Variants in SLC2A7 observed in about 807,000 individuals in gnomAD.
The protein encoded by SLC2A7 is solute carrier family 2, facilitated glucose transporter member 7.
A neutral mutation model predicts 50.5 loss-of-function variants in SLC2A7; 50 were observed. The observed-to-expected ratio is 0.99, with a 90% confidence interval of 0.79 to 1.25. The LOEUF (loss-of-function observed/expected upper bound fraction) is 1.25, where lower values mean the gene tolerates loss of function less well. Ranked by LOEUF, SLC2A7 falls within the 50% of genes most tolerant of loss-of-function variation. The probability of loss-of-function intolerance (pLI) is 0.00; values close to 1 mark genes in which losing one functional copy is unlikely to be tolerated. For synonymous variants in SLC2A7, 308 were observed against 300.4 expected (o/e 1.03, Z -0.26); for missense variants, 683 against 679.1 (o/e 1.01, Z -0.06).
chr1:8,992,991 A>G, the SLC2A7 span, among the ~76,000 whole-genome samples: 21 of 152,346 alleles, frequency 1.4e-4, no homozygotes, highest in Admixed American at 3.9e-4. Flanking sequence ...ACCTGACATC[A>G]GGTTGCAGAT....
intron 8 of SLC2A7, among the ~76,000 whole-genome samples, chr1:9,010,929 G>C (rs1298658458): frequency 1.3e-5 from 2 of 152,218 alleles, no homozygotes; most frequent in Non-Finnish European, 2.9e-5. Context: ...ACAAACCGCT[G>C]TCTGGGAGTG....
chr1:9,013,608 T>C lies in SLC2A7; in HGVS notation c.931A>G (p.Thr311Ala). The C allele has an allele frequency of 1.2e-6, 2 of 1,614,044 alleles. No homozygotes were observed. The highest frequency in any genetic ancestry group is 1.7e-6 in the Non-Finnish European group (2 of 1,179,968). ...AINYYADTIY[T>A]SAGVEAAHSQ... Reference sequence around the variant, plus strand: ...TGAGCGGCCTCCACGCCCGCAGATGTGTAGATGGTGTCCGCATAGTAGTTG... The same window carrying C: ...TGAGCGGCCTCCACGCCCGCAGATGCGTAGATGGTGTCCGCATAGTAGTTG... Residue 311 changes from threonine to alanine, a missense_variant, in exon 8 of 12, where the codon ACA (threonine) becomes GCA (alanine). By Grantham distance (58) the Thr-to-Ala change is moderately conservative. Transcript: ENST00000400906.
intron 3 of SLC2A7, among the ~76,000 whole-genome samples, chr1:9,020,821 A>T (rs937326902): frequency 6.6e-6 from 1 of 151,400 alleles, no homozygotes; most frequent in Non-Finnish European, 1.5e-5. Context: ...TGTGGGAGGG[A>T]CCTGGTGGCA....
At chr1:9,001,202 C>T (rs1252341978), downstream of SLC2A7, among the ~76,000 whole-genome samples, 7 of 152,136 alleles carry the variant, frequency 4.6e-5, no homozygotes, top group African/African-American at 9.6e-5. Flanking sequence ...CAGGCTCATT[C>T]GAGCTGGGTT....
At chr1:9,009,574 A>G (rs1198660238) in intron 9 of SLC2A7, among the ~76,000 whole-genome samples, 2 of 152,144 alleles carry the variant, frequency 1.3e-5, no homozygotes, top group African/African-American at 4.8e-5. Context: ...CTCCCACCTC[A>G]GCTTCCTGAG....
At chr1:8,999,756 G>A (rs1347458912), downstream of SLC2A7, among the ~76,000 whole-genome samples, 2 of 152,192 alleles carry the variant, frequency 1.3e-5, no homozygotes, top group Non-Finnish European at 2.9e-5. Flanking sequence ...TGGACTCCTG[G>A]AATTCCTGGA....
chr1:9,018,589 G>A (rs980998731), intron 4 of SLC2A7, among the ~76,000 whole-genome samples: 5 of 152,244 alleles, frequency 3.3e-5, no homozygotes, highest in African/African-American at 1.2e-4. Context: ...GATGTGATGA[G>A]GAGACCTTTT....
At chr1:9,021,913 C>A (rs562945739) in intron 3 of SLC2A7, among the ~76,000 whole-genome samples, 199 of 151,810 alleles carry the variant, frequency 1.3e-3, no homozygotes, top group African/African-American at 4.6e-3. Context: ...CAGAACAGTC[C>A]AAACACTCTT....
At chr1:9,025,134 G>C (rs1640977692) in intron 1 of SLC2A7, 60 bp from the exon 2 acceptor site, 2 of 1,532,596 alleles carry the variant, frequency 1.3e-6, no homozygotes, top group African/African-American at 1.4e-5. Flanking sequence ...AAGTGGAGTG[G>C]CTGGGCCTCC....
At chr1:9,015,957 T>C in intron 5 of SLC2A7, among the ~76,000 whole-genome samples, 1 of 151,930 alleles carries the variant, frequency 6.6e-6, no homozygotes, top group Non-Finnish European at 1.5e-5. Context: ...TCGTGAACTC[T>C]TGGGCTCAAA....
intron 5 of SLC2A7, among the ~76,000 whole-genome samples, chr1:9,015,621 T>C (rs1181067519): frequency 6.6e-6 from 1 of 152,058 alleles, no homozygotes; most frequent in Non-Finnish European, 1.5e-5. Flanking sequence ...GTGAGCTCCT[T>C]CTGGATGGCT....
intron 8 of SLC2A7, 123 bp from the exon 9 acceptor site, chr1:9,010,367 C>A (rs1640728715): frequency 1.3e-6 from 1 of 752,536 alleles, no homozygotes. Flanking sequence ...GTCTTTCTTT[C>A]TTTTTTTTTA....
At chr1:9,000,749 TG>T (rs1640562764), downstream of SLC2A7, among the ~76,000 whole-genome samples, 2 of 93,256 alleles carry the variant, frequency 2.1e-5, no homozygotes, top group Admixed American at 2.2e-4. Context: ...TTTCCTGGTG[TG>T]TGTGTGTGTG....
chr1:9,005,306 A>T (rs1210720390), intron 10 of SLC2A7, among the ~76,000 whole-genome samples: 1 of 152,100 alleles, frequency 6.6e-6, no homozygotes, highest in Non-Finnish European at 1.5e-5. Flanking sequence ...CCTATGGCGG[A>T]TCTGGGTATG....
At position 9,025,049 on chromosome 1, in the gene SLC2A7, G is replaced by T. The variant is rs866944150; in HGVS notation, c.77C>A (p.Ala26Glu). The change falls in exon 2 of 12, where the codon GCG (alanine) becomes GAG (glutamate). Residue 26 changes from alanine (A) to glutamate (E), a missense_variant. Ala to Glu is a moderately radical substitution (Grantham distance 107, BLOSUM62 -1). Transcript: ENST00000400906. ...TGAGCCAAAGGCCGCGCTCAGTGTC[G>T]CCAGCAACAGCGTCGGCTGGAGCCG... is the stretch of plus-strand genomic sequence containing the variant. ...EGRLQPTLLL[A>E]TLSAAFGSAF... The T allele has an allele frequency of 2.5e-6, 4 of 1,613,506 alleles. No individual in the cohort carries two copies. Among genetic ancestry groups the T allele is most frequent in the Non-Finnish European group, 2.5e-6 (3 of 1,179,990 alleles).
In SLC2A7 at chr1:9,010,200, G is replaced by A. The variant is rs377294646; in HGVS notation, c.1059C>T (p.Ala353=). 21 of 1,551,468 alleles carry A rather than the reference G, an allele frequency of 1.4e-5. No individual in the cohort carries two copies. Among genetic ancestry groups the A allele is most frequent in the African/African-American group, 1.4e-5 (1 of 73,058 alleles). The change falls in exon 9 of 12, where the codon GCC becomes GCT. Residue 353 remains alanine, a synonymous_variant. Coordinates refer to ENST00000400906, the MANE Select transcript of SLC2A7 (RefSeq NM_207420.3). ...ERLGRRHLLL[A]GYGICGSACL... is the part of the protein sequence containing the mutation. ...AGGCAGAGCCGCAGATGCCGTAGCC[G>A]GCCAGCAGGAGGTGCCGCCGTCCCA...
chr1:9,020,205 C>T (rs758378145), intron 3 of SLC2A7, among the ~76,000 whole-genome samples: 9 of 152,166 alleles, frequency 5.9e-5, no homozygotes, highest in South Asian at 4.2e-4. Flanking sequence ...TTCTAACGAT[C>T]GGAGCTGCCT....
At chr1:9,025,141 C>A in intron 1 of SLC2A7, 67 bp from the exon 2 acceptor site, 1 of 1,474,362 alleles carries the variant, frequency 6.8e-7, no homozygotes, top group Non-Finnish European at 9.4e-7. Flanking sequence ...GTGGCTGGGC[C>A]TCCACCTCCC....
chr1:8,999,810 A>G (rs1328603073), downstream of SLC2A7, among the ~76,000 whole-genome samples: 1 of 152,168 alleles, frequency 6.6e-6, no homozygotes. Flanking sequence ...TGCTGGAGCC[A>G]CACCTTGGAC....
Sources: allele counts gnomAD v4.1 joint callset (sites outside exome capture counted in the v4.1 genomes callset), GRCh38; gene constraint gnomAD v4.1.1; transcripts MANE v1.5; gene names NCBI Gene and HGNC (gene_info 2026-07-23, HGNC 2026-07-21).